The following ARHGAP15 variants were observed in gnomAD, a reference collection of about 807,000 sequenced individuals.
ARHGAP15 encodes rho GTPase-activating protein 15.
In ARHGAP15, 51 loss-of-function variants were observed where a neutral mutation model predicts 63.7. The ratio of observed to expected loss-of-function variants is 0.80; its 90% CI spans 0.64 to 1.01. ARHGAP15 has a LOEUF of 1.01. ARHGAP15 is among the 50% of genes least tolerant of loss of function. ARHGAP15 has a pLI of 0.00. For synonymous variants in ARHGAP15, 191 were observed against 193.8 expected, an observed-to-expected ratio of 0.99 and a Z score of 0.12; for missense variants, 560 against 564.6, an observed-to-expected ratio of 0.99 and a Z score of 0.08.
At chr2:143,289,126 A>G (rs553708619) in intron 6 of ARHGAP15, among the ~76,000 whole-genome samples, 2 of 152,050 alleles carry the variant, frequency 1.3e-5, no homozygotes, top group African/African-American at 2.4e-5. Context: ...GCATTTTTAT[A>G]TGTTTTCTTG....
At chr2:143,720,913 CA>C (rs369774269) in intron 13 of ARHGAP15, among the ~76,000 whole-genome samples, 1 of 151,734 alleles carries the variant, frequency 6.6e-6, no homozygotes, top group African/African-American at 2.4e-5. Flanking sequence ...ACTAAACATA[CA>C]AAAAATTAGC....
intron 5 of ARHGAP15, among the ~76,000 whole-genome samples, chr2:143,244,844 C>T (rs960792530): frequency 1.4e-4 from 21 of 152,250 alleles, no homozygotes; most frequent in African/African-American, 5.1e-4. Context: ...AAGAACTCTA[C>T]TGAGGTTAAG....
chr2:143,180,969 G>A (rs558001292), intron 2 of ARHGAP15, among the ~76,000 whole-genome samples: 6 of 152,234 alleles, frequency 3.9e-5, no homozygotes, highest in African/African-American at 1.4e-4. Flanking sequence ...ACTGTACCCG[G>A]CCTTAAATAT....
chr2:143,628,954 G>A (rs1220448711), intron 12 of ARHGAP15, among the ~76,000 whole-genome samples: 1 of 152,184 alleles, frequency 6.6e-6, no homozygotes, highest in South Asian at 2.1e-4. Flanking sequence ...CAGATTGGGA[G>A]ATCTGTTACT....
At chr2:143,353,237 C>T (rs1473198005) in intron 6 of ARHGAP15, among the ~76,000 whole-genome samples, 1 of 152,098 alleles carries the variant, frequency 6.6e-6, no homozygotes, top group Non-Finnish European at 1.5e-5. Flanking sequence ...CTGCATTGAG[C>T]TATGATCACA....
intron 5 of ARHGAP15, among the ~76,000 whole-genome samples, chr2:143,235,430 G>T (rs1183958347): frequency 6.6e-6 from 1 of 152,108 alleles, no homozygotes; most frequent in African/African-American, 2.4e-5. Flanking sequence ...ACAACAAGGA[G>T]AAATGAATTT....
intron 13 of ARHGAP15, among the ~76,000 whole-genome samples, chr2:143,742,695 G>T (rs952200): frequency 0.017 from 2,640 of 152,294 alleles, 152 homozygotes; most frequent in Admixed American, 0.13. Flanking sequence ...GGTGTTTTGC[G>T]TGCTAGCCTC....
intron 4 of ARHGAP15, among the ~76,000 whole-genome samples, chr2:143,221,425 A>T (rs1258242788): frequency 6.6e-6 from 1 of 152,192 alleles, no homozygotes; most frequent in Non-Finnish European, 1.5e-5. Context: ...CCCCAACAAT[A>T]CACTGACAGG....
At chr2:143,745,454 A>G (rs909280973) in intron 13 of ARHGAP15, among the ~76,000 whole-genome samples, 1 of 152,338 alleles carries the variant, frequency 6.6e-6, no homozygotes, top group Admixed American at 6.5e-5. Flanking sequence ...GTGTAAGAAA[A>G]CAAAAACTCA....
chr2:143,179,661 G>A (rs1691150210), intron 2 of ARHGAP15, among the ~76,000 whole-genome samples: 1 of 152,188 alleles, frequency 6.6e-6, no homozygotes. Flanking sequence ...ACTGAAGCAG[G>A]AGGATCACTT....
intron 6 of ARHGAP15, among the ~76,000 whole-genome samples, chr2:143,390,221 T>C (rs1180788080): frequency 6.6e-6 from 1 of 152,154 alleles, no homozygotes; most frequent in Non-Finnish European, 1.5e-5. Context: ...GAGACAGATT[T>C]GCTCTGACAT....
In ARHGAP15 at chr2:143,190,429, A is replaced by G. The variant is rs147482960; in HGVS notation, c.166-11705A>G. On this transcript the variant is annotated intron_variant, in intron 2 of 13. Transcript: ENST00000295095. ...CCTCCAATTTTCTGGATGAAGGGAT[A>G]TATTTTTGCCTCTGACATATCTGGG... Among the ~76,000 whole-genome samples, 14 of 152,312 alleles carry G rather than the reference A, an allele frequency of 9.2e-5. No homozygotes were observed. The East Asian group carries it at 2.7e-3, about 29-fold the overall frequency.
chr2:143,585,519 C>G (rs1283989382), intron 11 of ARHGAP15, among the ~76,000 whole-genome samples: 2 of 151,896 alleles, frequency 1.3e-5, no homozygotes, highest in Non-Finnish European at 2.9e-5. Flanking sequence ...TATGATTCTG[C>G]CACAGTGGTT....
intron 12 of ARHGAP15, among the ~76,000 whole-genome samples, chr2:143,671,851 A>G (rs1210166583): frequency 6.6e-6 from 1 of 152,194 alleles, no homozygotes; most frequent in Non-Finnish European, 1.5e-5. Flanking sequence ...TTTAAATATA[A>G]TGTAGCATAT....
At chr2:143,645,248 AAAGAG>A (rs1369366322) in intron 12 of ARHGAP15, among the ~76,000 whole-genome samples, 2 of 152,114 alleles carry the variant, frequency 1.3e-5, no homozygotes, top group African/African-American at 2.4e-5. Context: ...TTGATTCAAG[AAAGAG>A]AAAAGATCTG....
At chr2:143,272,051 C>T (rs187839063) in intron 6 of ARHGAP15, among the ~76,000 whole-genome samples, 5 of 152,214 alleles carry the variant, frequency 3.3e-5, no homozygotes, top group Admixed American at 2.6e-4. Flanking sequence ...TTTAAATCGC[C>T]GGTCATTGTT....
intron 1 of ARHGAP15, among the ~76,000 whole-genome samples, chr2:143,131,066 C>T (rs949416101): frequency 2.0e-5 from 3 of 151,986 alleles, no homozygotes; most frequent in South Asian, 2.1e-4. Flanking sequence ...TTGTTTAATG[C>T]TTTTAAAAAA....
intron 6 of ARHGAP15, among the ~76,000 whole-genome samples, chr2:143,273,921 T>C (rs1454922131): frequency 6.6e-6 from 1 of 152,160 alleles, no homozygotes; most frequent in African/African-American, 2.4e-5. Flanking sequence ...TAAATATATT[T>C]TGTATTTTTT....
intron 3 of ARHGAP15, among the ~76,000 whole-genome samples, chr2:143,206,314 G>A (rs1248792072): frequency 6.6e-6 from 1 of 152,022 alleles, no homozygotes; most frequent in Non-Finnish European, 1.5e-5. Context: ...TACTTGTTCA[G>A]GAAAGACATG....
Sources: gnomAD v4.1 joint callset for allele counts (sites outside exome capture counted in the v4.1 genomes callset) on GRCh38, gnomAD v4.1.1 for gene constraint, MANE v1.5 for transcripts, NCBI Gene and HGNC (gene_info 2026-07-23, HGNC 2026-07-21) for gene names.